LMAN2L: variants seen among roughly 807,000 people sequenced by gnomAD.
LMAN2L encodes lectin, mannose binding 2 like.
In LMAN2L, 30 loss-of-function variants were observed where a neutral mutation model predicts 44.3. The observed-to-expected ratio is 0.68, with a 90% CI of 0.51 to 0.92. The LOEUF is 0.92. Among genes scored for constraint, LMAN2L ranks in the 40% least tolerant of loss-of-function variants. The probability of loss-of-function intolerance (pLI) is 0.00; values close to 1 mark genes in which losing one functional copy is unlikely to be tolerated. For synonymous variants in LMAN2L, 183 were observed against 171.1 expected (o/e 1.07, Z -0.54); for missense variants, 429 against 446.1 (o/e 0.96, Z 0.35).
intron 4 of LMAN2L, among the ~76,000 whole-genome samples, chr2:96,717,711 T>C (rs1426328213): frequency 6.6e-6 from 1 of 151,462 alleles, no homozygotes; most frequent in Non-Finnish European, 1.5e-5. Flanking sequence ...TGGTGTCATA[T>C]GCCTGTAATC....
rs2077795614 is a variant in LMAN2L, at chr2:96,706,946, G to A, written c.*310C>T. On this transcript the variant is annotated 3_prime_UTR_variant, in exon 8 of 8. Coordinates refer to ENST00000264963, the MANE Select transcript of LMAN2L (RefSeq NM_030805.4). ...ACGGCAGCCTGGGCTATGAAATTCT[G>A]TTCTGTGATTTTGGCATCACAACCA... 1 of 202,938 alleles carries A rather than the reference G, an allele frequency of 4.9e-6. No homozygotes were observed. Among genetic ancestry groups the A allele is most frequent in the Non-Finnish European group, 9.8e-6 (1 of 101,596 alleles). 12.6% of individuals were successfully genotyped at this position (202,938 alleles called of 1,614,324 possible).
chr2:96,707,889 T>C (rs1047771142), intron 6 of LMAN2L, 56 bp from the exon 7 acceptor site: 1 of 1,581,606 alleles, frequency 6.3e-7, no homozygotes, highest in Non-Finnish European at 8.6e-7. Flanking sequence ...GGTATGTTTC[T>C]TGAAGTCAGT....
chr2:96,726,504 C>T (rs2153330379), intron 4 of LMAN2L, among the ~76,000 whole-genome samples: 1 of 152,204 alleles, frequency 6.6e-6, no homozygotes, highest in African/African-American at 2.4e-5. Flanking sequence ...TTTTTCTAGC[C>T]AAGCACAGTA....
At position 96,707,348 on chromosome 2, in the gene LMAN2L, AGAC is replaced by A. The variant is rs1438340733; in HGVS notation, c.952_954del (p.Val318del). ...AATACAGAAAACACCAGGGAGAAAA[AGAC>A]GATGAGGAAGAGGGCCAGGCCACTC... On this transcript the variant is annotated inframe_deletion, in exon 8 of 8. Coordinates refer to ENST00000264963, the MANE Select transcript of LMAN2L (RefSeq NM_030805.4). 1.2e-6 allele frequency: 2 copies of A among 1,613,866 alleles called. No individual in the cohort carries two copies. The highest frequency in any genetic ancestry group is 3.3e-5 in the Admixed American group (2 of 59,982).
chr2:96,726,262 G>GTT (rs575027037), intron 4 of LMAN2L, among the ~76,000 whole-genome samples: 1,802 of 150,016 alleles, frequency 0.012, 124 homozygotes, highest in Admixed American at 0.1. Flanking sequence ...GTTCTAATAG[G>GTT]TTTTTTTTTG....
chr2:96,729,561 T>C (rs1473014717), intron 4 of LMAN2L, among the ~76,000 whole-genome samples: 1 of 151,114 alleles, frequency 6.6e-6, no homozygotes, highest in Non-Finnish European at 1.5e-5. Flanking sequence ...CAGGCTGGAG[T>C]GCAAGGGCAT....
chr2:96,707,129 T>G lies in LMAN2L; in HGVS notation c.*127A>C. ...GGGGTCCCTGCATTCAAAACTCCAG[T>G]GACAGAATATAGTCCCCAACCAGCT... is the stretch of plus-strand genomic sequence containing the variant. On this transcript the variant is annotated 3_prime_UTR_variant, in exon 8 of 8. Coordinates refer to ENST00000264963, the MANE Select transcript of LMAN2L (RefSeq NM_030805.4). 1 of 889,004 alleles carries G rather than the reference T, an allele frequency of 1.1e-6. No homozygotes were observed. Among genetic ancestry groups the G allele is most frequent in the East Asian group, 2.6e-5 (1 of 38,538 alleles). 55.1% of individuals were successfully genotyped at this position (889,004 alleles called of 1,614,324 possible).
intron 2 of LMAN2L, among the ~76,000 whole-genome samples, chr2:96,735,150 T>C (rs1024108611): frequency 1.3e-5 from 2 of 152,182 alleles, no homozygotes; most frequent in African/African-American, 4.8e-5. Context: ...CCAAGAAGCT[T>C]AAATGCACTT....
chr2:96,738,154 A>AGCTT, intron 1 of LMAN2L, 87 bp from the exon 2 acceptor site: 1 of 855,274 alleles, frequency 1.2e-6, no homozygotes, highest in Non-Finnish European at 1.9e-6. Context: ...AAGCTGAGCC[A>AGCTT]TCATCTTTTT....
rs763941613 is a variant in LMAN2L at position 96,711,851 on chromosome 2, C to T, written c.669+13G>A. 6 of 1,614,134 alleles carry T rather than the reference C, an allele frequency of 3.7e-6. No individual in the cohort carries two copies. The highest frequency in any genetic ancestry group is 3.4e-6 in the Non-Finnish European group (4 of 1,179,994). ...GCCCACACCACCATCTGGTCCAGGACAAGGACTCTCACCGTCAAATGCCTC... is the reference window on the plus strand; with the variant it reads ...GCCCACACCACCATCTGGTCCAGGATAAGGACTCTCACCGTCAAATGCCTC... On this transcript the variant is annotated intron_variant, in intron 5 of 7. Coordinates refer to ENST00000264963, the MANE Select transcript of LMAN2L (RefSeq NM_030805.4).
intron 4 of LMAN2L, among the ~76,000 whole-genome samples, chr2:96,719,959 C>T (rs780451296): frequency 3.3e-5 from 5 of 151,756 alleles, no homozygotes; most frequent in South Asian, 2.1e-4. Flanking sequence ...CCTAGGAGTT[C>T]GAGGCTGCAG....
chr2:96,737,571 T>G (rs1018967808), intron 2 of LMAN2L, among the ~76,000 whole-genome samples: 1 of 152,226 alleles, frequency 6.6e-6, no homozygotes, highest in African/African-American at 2.4e-5. Context: ...GAGGAGCCCT[T>G]AAGCCCAGGA....
At position 96,707,320 on chromosome 2, in the gene LMAN2L, G is replaced by A; in HGVS notation, c.983C>T (p.Ala328Val). 6.2e-7 allele frequency: 1 copy of A among 1,614,042 alleles called. No homozygotes were observed. The highest frequency in any genetic ancestry group is 1.1e-5 in the South Asian group (1 of 91,078). ...VFFSLVFSVF[A>V]IVIGIILYNK... is the part of the protein sequence containing the mutation. The stretch of plus-strand genomic sequence containing the variant: ...GTAGAGTATGATACCAATGACTATG[G>A]CAAATACAGAAAACACCAGGGAGAA... The change falls in exon 8 of 8, where the codon GCC (alanine) becomes GTC (valine). Residue 328 changes from alanine to valine, a missense_variant. Ala to Val is a moderately conservative substitution (Grantham distance 64, BLOSUM62 0). Transcript: ENST00000264963.
chr2:96,729,971 AT>A (rs1366965766), intron 4 of LMAN2L, among the ~76,000 whole-genome samples: 1 of 152,168 alleles, frequency 6.6e-6, no homozygotes, highest in African/African-American at 2.4e-5. Flanking sequence ...GGATGTCAAT[AT>A]TTTTAAAAGT....
intron 6 of LMAN2L, among the ~76,000 whole-genome samples, chr2:96,709,200 C>T (rs894254917): frequency 7.2e-5 from 11 of 152,080 alleles, no homozygotes; most frequent in African/African-American, 2.7e-4. Flanking sequence ...GCATTACAGG[C>T]GTGAGCCACC....
intron 4 of LMAN2L, among the ~76,000 whole-genome samples, chr2:96,723,885 G>C (rs183997658): frequency 6.6e-6 from 1 of 151,950 alleles, no homozygotes; most frequent in African/African-American, 2.4e-5. Flanking sequence ...TCAGGAGATC[G>C]AGACCATCCT....
chr2:96,728,505 C>CAA (rs61588722), intron 4 of LMAN2L, among the ~76,000 whole-genome samples: 8,350 of 87,566 alleles, frequency 0.095, 415 homozygotes, highest in Middle Eastern at 0.19. Flanking sequence ...GACTCCGTCT[C>CAA]AAAAAAAAAA....
intron 4 of LMAN2L, among the ~76,000 whole-genome samples, chr2:96,732,284 G>A (rs1429913702): frequency 6.6e-6 from 1 of 152,000 alleles, no homozygotes; most frequent in Non-Finnish European, 1.5e-5. Context: ...GCAACAACCT[G>A]TCATAATTTC....
rs530558489 is a variant in LMAN2L at position 96,728,737 on chromosome 2, G to C, written c.507+4782C>G. ...GTGTGCCTGTAATCAGCCAGACTGGGTGGAGTGTGCCTGAAATCCCAGCTA... is the reference window on the plus strand; with the variant it reads ...GTGTGCCTGTAATCAGCCAGACTGGCTGGAGTGTGCCTGAAATCCCAGCTA... On this transcript the variant is annotated intron_variant, in intron 4 of 7. Transcript: ENST00000264963. Among the ~76,000 whole-genome samples the C allele has an allele frequency of 1.2e-3, 187 of 151,738 alleles. 1 individual carries two copies. Among genetic ancestry groups the C allele is most frequent in the African/African-American group, 4.4e-3 (180 of 41,346 alleles).
Sources: gnomAD v4.1 joint callset for allele counts (sites outside exome capture counted in the v4.1 genomes callset) on GRCh38, gnomAD v4.1.1 for gene constraint, MANE v1.5 for transcripts, NCBI Gene and HGNC (gene_info 2026-07-23, HGNC 2026-07-21) for gene names.